PAFAH2: variants seen among roughly 807,000 people sequenced by gnomAD.
PAFAH2 encodes platelet activating factor acetylhydrolase 2.
PAFAH2 carries 42 observed loss-of-function variants against 49.0 expected under a neutral mutation model. The ratio of observed to expected loss-of-function variants is 0.86; its 90% CI spans 0.67 to 1.11. PAFAH2 has a LOEUF of 1.11. PAFAH2 is among the 50% of genes least tolerant of loss of function. The pLI is 0.00. For missense variants in PAFAH2, 503 were observed against 501.8 expected, an observed-to-expected ratio of 1.00 and a Z score of -0.02; for synonymous variants, 184 against 181.3, an observed-to-expected ratio of 1.01 and a Z score of -0.12.
intron 4 of PAFAH2, among the ~76,000 whole-genome samples, 156 bp from the exon 5 acceptor site, chr1:25,984,684 A>G (rs1236595756): frequency 1.3e-5 from 2 of 152,162 alleles, no homozygotes; most frequent in Non-Finnish European, 2.9e-5. Context: ...AGAGAAATAA[A>G]CATTACCATA....
intron 7 of PAFAH2, 152 bp downstream of exon 7, chr1:25,982,212 T>C: frequency 1.7e-6 from 1 of 584,680 alleles, no homozygotes; most frequent in Non-Finnish European, 3.1e-6. Flanking sequence ...TGGGTCTAAC[T>C]ACACTGGCCT....
At chr1:25,970,686 A>G (rs1159275694) in intron 10 of PAFAH2, among the ~76,000 whole-genome samples, 1 of 152,046 alleles carries the variant, frequency 6.6e-6, no homozygotes, top group African/African-American at 2.4e-5. Flanking sequence ...CCCAGGCTCA[A>G]GTGATCCTTC....
Position 25,976,764 on chromosome 1 carries a change from CA to C in PAFAH2, c.675del (p.Ile225MetfsTer3). On this transcript the variant is annotated frameshift_variant, in exon 8 of 11. Coordinates refer to ENST00000374282, the MANE Select transcript of PAFAH2 (RefSeq NM_000437.4). LOFTEE classifies it high-confidence loss of function. ...GLDLMTLKGN[I>X]DMSRVAVMGH... ...CCCATCACAGCCACACGGCTCATGT[CA>C]ATGTTGCCCTGAGGAAAGTGGAGAA... The C allele has an allele frequency of 6.2e-7, 1 of 1,613,922 alleles. No individual in the cohort carries two copies. The highest frequency in any genetic ancestry group is 2.2e-5 in the East Asian group (1 of 44,860).
chr1:25,984,977 C>T (rs2124356195), intron 4 of PAFAH2, among the ~76,000 whole-genome samples: 1 of 151,812 alleles, frequency 6.6e-6, no homozygotes, highest in Admixed American at 6.6e-5. Context: ...GCCTCAGCCT[C>T]CTGAGTAGCT....
intron 10 of PAFAH2, among the ~76,000 whole-genome samples, chr1:25,962,416 T>G (rs2049352640): frequency 6.6e-6 from 1 of 152,204 alleles, no homozygotes; most frequent in South Asian, 2.1e-4. Flanking sequence ...AACTAAGTAT[T>G]AATACTAATC....
intron 7 of PAFAH2, among the ~76,000 whole-genome samples, chr1:25,981,106 T>A (rs2049681760): frequency 6.6e-6 from 1 of 152,118 alleles, no homozygotes; most frequent in Non-Finnish European, 1.5e-5. Context: ...AAAAAAATTT[T>A]TTTTAAATCA....
chr1:25,978,834 C>G (rs2049636392), intron 7 of PAFAH2, among the ~76,000 whole-genome samples: 1 of 152,196 alleles, frequency 6.6e-6, no homozygotes, highest in Non-Finnish European at 1.5e-5. Flanking sequence ...CTGTGTTAAG[C>G]CACTGAAATG....
chr1:25,965,774 C>T lies in PAFAH2; in HGVS notation c.1085-3691G>A, dbSNP rs558127483. Among the ~76,000 whole-genome samples, 4 of 119,860 alleles carry T rather than the reference C, an allele frequency of 3.3e-5. No individual in the cohort carries two copies. The East Asian group carries it at 1.2e-3, about 35-fold the overall frequency. 78.6% of individuals were successfully genotyped at this position (119,860 alleles called of 152,430 possible). A position where few individuals can be genotyped will look rare whatever the true frequency, so the allele number is the denominator to read the frequency against. On this transcript the variant is annotated intron_variant, in intron 10 of 10. Transcript: ENST00000374282. The stretch of plus-strand genomic sequence containing the variant: ...CAGAGGTCACAGTAAGCCGAGATCA[C>T]ACCACTGCACTCCAGCCTGGGTGAC...
chr1:25,972,500 C>T, intron 10 of PAFAH2, 58 bp downstream of exon 10: 1 of 1,561,944 alleles, frequency 6.4e-7, no homozygotes. Context: ...TCTCACTCTG[C>T]TGCAAGGAAA....
chr1:25,979,679 G>A (rs1276872453), intron 7 of PAFAH2, among the ~76,000 whole-genome samples: 4 of 152,070 alleles, frequency 2.6e-5, no homozygotes, highest in African/African-American at 7.2e-5. Flanking sequence ...TAGTAGAGAC[G>A]GGATTTCACC....
Position 25,990,783 on chromosome 1 carries a change from CA to C in PAFAH2, c.33del (p.Val12SerfsTer7). On this transcript the variant is annotated frameshift_variant, in exon 2 of 11. Coordinates refer to ENST00000374282, the MANE Select transcript of PAFAH2 (RefSeq NM_000437.4). LOFTEE classifies it high-confidence loss of function. ...CAGCCTACGAGGTGGGGTCCTGTGA[CA>C]GGTGGAAAGCCCACAGACTGGTTGA... MGVNQSVGFP[P>X]VTGPHLVGCG... 6.2e-7 allele frequency: 1 copy of C among 1,614,058 alleles called. No homozygotes were observed. The highest frequency in any genetic ancestry group is 8.5e-7 in the Non-Finnish European group (1 of 1,179,976).
At position 25,976,722 on chromosome 1, in the gene PAFAH2, C is replaced by T; in HGVS notation, c.718G>A (p.Ala240Thr). ...VAVMGHSFGG[A>T]TAILALAKET... ...TTGGCCAAAGCCAGAATAGCTGTGGCCCCTCCAAATGAATGTCCCATCACA... is the reference window on the plus strand; with the variant it reads ...TTGGCCAAAGCCAGAATAGCTGTGGTCCCTCCAAATGAATGTCCCATCACA... The change falls in exon 8 of 11, where the codon GCC becomes ACC. Residue 240 changes from alanine to threonine, a missense_variant. Physicochemically the swap from Ala to Thr is moderately conservative, Grantham distance 58. Transcript: ENST00000374282. 6.2e-7 allele frequency: 1 copy of T among 1,614,202 alleles called. No homozygotes were observed. The highest frequency in any genetic ancestry group is 8.5e-7 in the Non-Finnish European group (1 of 1,180,036).
In PAFAH2 at chr1:25,974,583, G is replaced by A. The variant is rs1301878317; in HGVS notation, c.826C>T (p.Pro276Ser). Residue 276 changes from proline to serine, a missense_variant, in exon 9 of 11, where the codon CCT becomes TCT. Physicochemically the swap from Pro to Ser is moderately conservative, Grantham distance 74 (BLOSUM62 -1). Transcript: ENST00000374282. ...TTCTCAGTATTGATAAAGAACACAG[G>A]TCCTCGGGCCTTGGGGTAAAAGTCA... The part of the protein sequence containing the change: ...ERDFYPKARG[P>S]VFFINTEKFQ... 6.2e-7 allele frequency: 1 copy of A among 1,614,112 alleles called. No homozygotes were observed. The highest frequency in any genetic ancestry group is 1.1e-5 in the South Asian group (1 of 91,084).
chr1:25,996,694 T>C, intron 1 of PAFAH2, among the ~76,000 whole-genome samples: 1 of 152,174 alleles, frequency 6.6e-6, no homozygotes, highest in South Asian at 2.1e-4. Flanking sequence ...GATTAAATAA[T>C]GCATGTAAAG....
At chr1:25,990,891 C>A in intron 1 of PAFAH2, 28 bp from the exon 2 acceptor site, 2 of 1,216,166 alleles carry the variant, frequency 1.6e-6, no homozygotes, top group Non-Finnish European at 2.4e-6. Context: ...GAACAGCAGC[C>A]GCTTGCTGGT....
At chr1:25,996,770 T>C (rs1357677981) in intron 1 of PAFAH2, among the ~76,000 whole-genome samples, 1 of 152,238 alleles carries the variant, frequency 6.6e-6, no homozygotes, top group Admixed American at 6.5e-5. Flanking sequence ...TACATGCCTC[T>C]CAAGTTCCTT....
intron 10 of PAFAH2, among the ~76,000 whole-genome samples, chr1:25,971,593 A>G (rs1402996846): frequency 6.6e-6 from 1 of 152,170 alleles, no homozygotes; most frequent in Non-Finnish European, 1.5e-5. Context: ...GACTGAACCC[A>G]TGAGACAGAC....
chr1:25,989,557 C>T lies in PAFAH2; in HGVS notation c.135G>A (p.Glu45=), dbSNP rs769612366. Residue 45 remains glutamate (E), a synonymous_variant, in exon 3 of 11, where the codon GAG becomes GAA. Coordinates refer to ENST00000374282, the MANE Select transcript of PAFAH2 (RefSeq NM_000437.4). ...RLFYPCQKAE[E]TMEQPLWIPR... is the part of the protein sequence containing the mutation. ...GAATCCACAGGGGCTGCTCCATGGT[C>T]TCCTCTGCCTTTTGGCAGGGGTAGA... is the stretch of plus-strand genomic sequence containing the variant. 2 of 1,611,426 alleles carry T rather than the reference C, an allele frequency of 1.2e-6. No individual in the cohort carries two copies. The highest frequency in any genetic ancestry group is 2.2e-5 in the South Asian group (2 of 90,524).
intron 1 of PAFAH2, among the ~76,000 whole-genome samples, chr1:25,992,593 C>T (rs2049891157): frequency 6.6e-6 from 1 of 152,182 alleles, no homozygotes. Flanking sequence ...CAACAGTCCT[C>T]TGAGATACGT....
Sources: allele counts gnomAD v4.1 joint callset (sites outside exome capture counted in the v4.1 genomes callset), GRCh38; gene constraint gnomAD v4.1.1; transcripts MANE v1.5; gene names NCBI Gene and HGNC (gene_info 2026-07-23, HGNC 2026-07-21).